The following SPEN variants were observed in gnomAD, a reference collection of about 807,000 sequenced individuals.
SPEN encodes msx2-interacting protein.
A neutral mutation model predicts 269.9 loss-of-function variants in SPEN; 18 were observed. The observed-to-expected ratio is 0.07, with a 90% CI of 0.05 to 0.10. The LOEUF is 0.10. Among genes scored for constraint, SPEN ranks in the 10% least tolerant of loss-of-function variants. The pLI, the probability that SPEN is intolerant of heterozygous loss-of-function variation, is 1.00. For synonymous variants in SPEN, 1,726 were observed against 1,765.7 expected, an observed-to-expected ratio of 0.98 and a Z score of 0.56; for missense variants, 3,822 against 4,631.2, an observed-to-expected ratio of 0.83 and a Z score of 5.07.
Position 15,848,013 on chromosome 1 carries a change from G to T in SPEN, c.-55G>T, listed in dbSNP as rs878939822. ...CCCGCCTCCCGGCGCTGACGGTCTC[G>T]TACGAAGCCGGCGAGGGGGAGCCAG... On this transcript the variant is annotated 5_prime_UTR_variant, in exon 1 of 15. Transcript: ENST00000375759. The surrounding 1 kb of genome is among the most constrained non-coding windows in gnomAD (Gnocchi z 5.1). 3.9e-6 allele frequency: 5 copies of T among 1,272,590 alleles called. No homozygotes were observed. In the South Asian group the frequency reaches 7.5e-5, roughly 19 times the overall value. 78.8% of individuals were successfully genotyped at this position (1,272,590 alleles called of 1,614,324 possible). A position where few individuals can be genotyped will look rare whatever the true frequency, so the allele number is the denominator to read the frequency against.
rs184821747 is a variant in SPEN at position 15,939,667 on chromosome 1, G to A, written c.*240G>A. 2.1e-5 allele frequency: 8 copies of A among 378,678 alleles called. No individual in the cohort carries two copies. The East Asian group carries it at 2.4e-4, about 11-fold the overall frequency. The allele number at this position is 378,678 out of a possible 1,614,324, so 23.5% of individuals were successfully genotyped here. On this transcript the variant is annotated 3_prime_UTR_variant, in exon 15 of 15. Coordinates refer to ENST00000375759, the MANE Select transcript of SPEN (RefSeq NM_015001.3). The surrounding 1 kb of genome is among the most constrained non-coding windows in gnomAD (Gnocchi z 4.1). ...GGACACATCACCAACCCATGGACTC[G>A]CAGACACCGGGGCTGGGTTTCTCTT... is the stretch of plus-strand genomic sequence containing the variant.
chr1:15,909,394 A>G lies in SPEN; in HGVS notation c.955A>G (p.Thr319Ala). The G allele has an allele frequency of 6.2e-7, 1 of 1,614,140 alleles. No individual in the cohort carries two copies. The part of the protein sequence containing the change: ...SVQSAAVPAP[T>A]SQLLSSLEKD... ...TCAGTCTGCAGCAGTCCCTGCACCC[A>G]CTTCCCAGTTGCTTTCATCTCTGGA... The change falls in exon 4 of 15, where the codon ACT (threonine) becomes GCT (alanine). Residue 319 changes from threonine (T) to alanine (A), a missense_variant. This residue lies in a region of SPEN where 327 missense variants were observed against 350.8 expected (regional missense o/e 0.93). Transcript: ENST00000375759.
intron 3 of SPEN, among the ~76,000 whole-genome samples, chr1:15,882,628 C>A (rs1322978850): frequency 2.0e-5 from 3 of 152,108 alleles, no homozygotes; most frequent in Non-Finnish European, 4.4e-5. Context: ...CCACTGCACT[C>A]CAGCCTGGGC....
At chr1:15,938,038 C>T (rs200622033) in intron 13 of SPEN, 32 bp downstream of exon 13, 2 of 1,564,238 alleles carry the variant, frequency 1.3e-6, no homozygotes, top group East Asian at 2.3e-5. Context: ...GAGCAACTGC[C>T]CCACCTACAG....
intron 3 of SPEN, among the ~76,000 whole-genome samples, chr1:15,901,708 G>A (rs1232900494): frequency 2.0e-5 from 3 of 150,432 alleles, no homozygotes; most frequent in Non-Finnish European, 4.4e-5. Context: ...TACATCAGAA[G>A]TGGTGGAGTT....
intron 1 of SPEN, among the ~76,000 whole-genome samples, chr1:15,857,086 A>G (rs182824979): frequency 1.6e-3 from 242 of 151,604 alleles, no homozygotes; most frequent in African/African-American, 5.7e-3. Flanking sequence ...TTCTTGAGAC[A>G]GGATCTCACT....
At chr1:15,880,277 T>G (rs1035998704) in intron 3 of SPEN, among the ~76,000 whole-genome samples, 3 of 151,842 alleles carry the variant, frequency 2.0e-5, no homozygotes, top group African/African-American at 7.3e-5. Flanking sequence ...TTCTGAGAGG[T>G]TATAGAGCAT....
rs1271316907 is a variant in SPEN at position 15,929,020 on chromosome 1, C to A, written c.2780C>A (p.Ser927Tyr). The stretch of plus-strand genomic sequence containing the variant: ...GTCTCTCAGACGGAGCCTGCAAAAT[C>A]TGACTTGTCTAAACTGGAATCAGTT... ...LQVSQTEPAK[S>Y]DLSKLESVRM... Residue 927 changes from serine (S) to tyrosine (Y), a missense_variant, in exon 11 of 15, where the codon TCT (serine) becomes TAT (tyrosine). Physicochemically the swap from Ser to Tyr is moderately radical, Grantham distance 144. Around this residue, in one of 16 missense-constraint regions of SPEN, gnomAD observed 572 missense variants for 582.6 expected, o/e 0.98. Transcript: ENST00000375759. The surrounding 1 kb of genome is among the most constrained non-coding windows in gnomAD (Gnocchi z 5.8). The A allele has an allele frequency of 6.2e-6, 10 of 1,614,080 alleles. No homozygotes were observed. Among genetic ancestry groups the A allele is most frequent in the African/African-American group, 2.7e-5 (2 of 74,918 alleles).
chr1:15,875,481 A>G (rs1252952542), intron 2 of SPEN, among the ~76,000 whole-genome samples: 1 of 152,168 alleles, frequency 6.6e-6, no homozygotes, highest in South Asian at 2.1e-4. Flanking sequence ...ACAGGAGTAA[A>G]TAATTTTTAT....
chr1:15,876,413 C>T lies in SPEN; in HGVS notation c.616C>T (p.Arg206Cys), dbSNP rs1262659031. 1.9e-6 allele frequency: 3 copies of T among 1,613,964 alleles called. No homozygotes were observed. The highest frequency in any genetic ancestry group is 2.5e-6 in the Non-Finnish European group (3 of 1,180,002). Residue 206 changes from arginine to cysteine, a missense_variant, in exon 3 of 15, where the codon CGC becomes TGC. Physicochemically the swap from Arg to Cys is radical, Grantham distance 180. Around this residue, in one of 16 missense-constraint regions of SPEN, gnomAD observed 327 missense variants for 350.8 expected, o/e 0.93. Transcript: ENST00000375759. ...AHDPRYEPRA[R>C]EQFTLPSVVH... is the part of the protein sequence containing the mutation. ...TGACCCCCGATATGAACCTAGGGCT[C>T]GCGAGCAGTTTACACTGCCCAGTGT...
intron 3 of SPEN, among the ~76,000 whole-genome samples, chr1:15,884,590 G>A (rs541729114): frequency 6.6e-6 from 1 of 152,196 alleles, no homozygotes; most frequent in East Asian, 1.9e-4. Context: ...TTGGGAGAAG[G>A]AATGCTAATT....
Position 15,928,161 on chromosome 1 carries a change from A to G in SPEN, c.1921A>G (p.Thr641Ala). Residue 641 changes from threonine (T) to alanine (A), a missense_variant, in exon 11 of 15, where the codon ACT (threonine) becomes GCT (alanine). Thr to Ala is a moderately conservative substitution (Grantham distance 58). This residue lies in a region of SPEN where 230 missense variants were observed against 426.1 expected (regional missense o/e 0.54). Transcript: ENST00000375759. This position sits in a 1 kb window ranked among gnomAD's most constrained non-coding sequence, Gnocchi z 5.7. ...TYYESVRTPG[T>A]YPEDSRRDYP... ...TTATGAGAGTGTTCGAACTCCAGGC[A>G]CTTATCCTGAGGATTCCAGGCGGGA... The G allele has an allele frequency of 6.2e-7, 1 of 1,614,164 alleles. No individual in the cohort carries two copies. Among genetic ancestry groups the G allele is most frequent in the Admixed American group, 1.7e-5 (1 of 60,018 alleles).
intron 3 of SPEN, among the ~76,000 whole-genome samples, chr1:15,883,715 AT>A (rs112580388): frequency 0.039 from 5,789 of 148,520 alleles, 337 homozygotes; most frequent in African/African-American, 0.13. Flanking sequence ...CTGTCTGTAT[AT>A]TTTTTTTTAA....
At position 15,929,705 on chromosome 1, in the gene SPEN, T is replaced by C. The variant is rs747540373; in HGVS notation, c.3465T>C (p.Thr1155=). The change falls in exon 11 of 15, where the codon ACT becomes ACC. Residue 1155 remains threonine (T), a synonymous_variant. Coordinates refer to ENST00000375759, the MANE Select transcript of SPEN (RefSeq NM_015001.3). The surrounding 1 kb of genome is among the most constrained non-coding windows in gnomAD (Gnocchi z 5.8). ...SGQEKSHSVN[T]EEKIGIDIDH... ...AAGAGAAATCACATTCAGTAAATAC[T>C]GAAGAAAAAATTGGCATTGACATCG... The C allele has an allele frequency of 3.1e-6, 5 of 1,613,850 alleles. No homozygotes were observed. The highest frequency in any genetic ancestry group is 1.3e-5 in the African/African-American group (1 of 74,872).
chr1:15,867,476 G>T (rs977786274), intron 1 of SPEN, among the ~76,000 whole-genome samples: 1 of 152,116 alleles, frequency 6.6e-6, no homozygotes. Flanking sequence ...GGGGTTATAG[G>T]CCTGAGCCAC....
In SPEN at chr1:15,935,182, C is replaced by T. The variant is rs745687072; in HGVS notation, c.8942C>T (p.Thr2981Met). ...KVLQPANLGS[T>M]LTPHHPPALP... is the part of the protein sequence containing the mutation. Reference sequence around the variant, plus strand: ...CTTCAGCCGGCCAACCTGGGGTCCACGCTCACGCCCCACCACCCTCCTGCT... The same window carrying T: ...CTTCAGCCGGCCAACCTGGGGTCCATGCTCACGCCCCACCACCCTCCTGCT... The change falls in exon 11 of 15, where the codon ACG (threonine) becomes ATG (methionine). Residue 2981 changes from threonine to methionine, a missense_variant. Thr to Met is a moderately conservative substitution (Grantham distance 81). Around this residue, in one of 16 missense-constraint regions of SPEN, gnomAD observed 94 missense variants for 90.4 expected, o/e 1.04. Coordinates refer to ENST00000375759, the MANE Select transcript of SPEN (RefSeq NM_015001.3). This position sits in a 1 kb window ranked among gnomAD's most constrained non-coding sequence, Gnocchi z 7.7. 19 of 1,614,004 alleles carry T rather than the reference C, an allele frequency of 1.2e-5. No individual in the cohort carries two copies. Among genetic ancestry groups the T allele is most frequent in the South Asian group, 2.2e-5 (2 of 91,070 alleles).
chr1:15,918,163 G>A (rs529024203), intron 6 of SPEN, among the ~76,000 whole-genome samples: 1 of 152,050 alleles, frequency 6.6e-6, no homozygotes, highest in African/African-American at 2.4e-5. Flanking sequence ...TTTATTTATT[G>A]ATCTTTTAAT....
At chr1:15,916,349 A>G in intron 6 of SPEN, 70 bp downstream of exon 6, 2 of 1,467,790 alleles carry the variant, frequency 1.4e-6, no homozygotes, top group South Asian at 1.3e-5. Flanking sequence ...TACAGATTAT[A>G]TTTGGAAAGG....
Position 15,919,490 on chromosome 1 carries a change from T to G in SPEN, c.1608T>G (p.His536Gln). Residue 536 changes from histidine to glutamine, a missense_variant, in exon 8 of 15, where the codon CAT becomes CAG. Around this residue, in one of 16 missense-constraint regions of SPEN, gnomAD observed 230 missense variants for 426.1 expected, o/e 0.54. Coordinates refer to ENST00000375759, the MANE Select transcript of SPEN (RefSeq NM_015001.3). ...TGTCAGATCAGTATTTAACACGACATTTCTGCCGATATGGGCCTGTGGTAA... is the reference window on the plus strand; with the variant it reads ...TGTCAGATCAGTATTTAACACGACAGTTCTGCCGATATGGGCCTGTGGTAA... ...SNVSDQYLTRHFCRYGPVVKV... is the reference protein window; with the variant it reads ...SNVSDQYLTRQFCRYGPVVKV... 1.0e-5 allele frequency: 16 copies of G among 1,604,866 alleles called. No homozygotes were observed. The highest frequency in any genetic ancestry group is 1.3e-5 in the Non-Finnish European group (15 of 1,178,144).
Sources: allele counts gnomAD v4.1 joint callset (sites outside exome capture counted in the v4.1 genomes callset), GRCh38; gene constraint gnomAD v4.1.1; regional missense constraint gnomAD v4.1.1; non-coding constraint Gnocchi (gnomAD v3.1); transcripts MANE v1.5; gene names NCBI Gene and HGNC (gene_info 2026-07-23, HGNC 2026-07-21).